Variants in SLC24A2 observed in about 807,000 individuals in gnomAD.
The protein encoded by SLC24A2 is solute carrier family 24 member 2.
A neutral mutation model predicts 62.0 loss-of-function variants in SLC24A2; 36 were observed. That is an observed-to-expected ratio of 0.58 (90% CI 0.44 to 0.77). The LOEUF (loss-of-function observed/expected upper bound fraction) is 0.77. Ranked by LOEUF, SLC24A2 falls within the 30% of genes least tolerant of loss-of-function variation. The pLI is 0.00. For synonymous variants in SLC24A2, 358 were observed against 294.0 expected, an observed-to-expected ratio of 1.22 and a Z score of -2.23; for missense variants, 846 against 817.9, an observed-to-expected ratio of 1.03 and a Z score of -0.42.
intron 2 of SLC24A2, among the ~76,000 whole-genome samples, chr9:19,635,065 G>A (rs980361384): frequency 2.0e-5 from 3 of 152,146 alleles, no homozygotes; most frequent in Non-Finnish European, 2.9e-5. Context: ...ATAGAACAAC[G>A]GAAATTGTGC....
chr9:20,222,676 A>G, the SLC24A2 span, among the ~76,000 whole-genome samples: 4 of 152,276 alleles, frequency 2.6e-5, no homozygotes, highest in Admixed American at 2.0e-4. Context: ...ATAGTTCAAT[A>G]GAAGAAAATC....
chr9:19,746,959 C>G (rs1821851426), intron 2 of SLC24A2, among the ~76,000 whole-genome samples: 2 of 151,992 alleles, frequency 1.3e-5, no homozygotes. Context: ...AGGAAAAAAG[C>G]CAACTAACAA....
chr9:20,229,350 T>C, the SLC24A2 span, among the ~76,000 whole-genome samples: 66 of 152,310 alleles, frequency 4.3e-4, no homozygotes, highest in African/African-American at 1.6e-3. Context: ...TATGAATATC[T>C]ACCTCATCAG....
chr9:19,953,372 G>C, the SLC24A2 span, among the ~76,000 whole-genome samples: 2 of 152,116 alleles, frequency 1.3e-5, no homozygotes, highest in East Asian at 3.9e-4. Context: ...AATGTGTTCA[G>C]CTAGATATCA....
At chr9:20,237,700 T>G in the SLC24A2 span, among the ~76,000 whole-genome samples, 1 of 152,210 alleles carries the variant, frequency 6.6e-6, no homozygotes, top group East Asian at 1.9e-4. Context: ...TTTTAATGAT[T>G]CTTAGTAAGA....
At chr9:19,885,972 C>A in the SLC24A2 span, among the ~76,000 whole-genome samples, 1 of 152,104 alleles carries the variant, frequency 6.6e-6, no homozygotes, top group Non-Finnish European at 1.5e-5. Flanking sequence ...TGTATTTGTA[C>A]CACATTCTCT....
chr9:20,264,118 T>G, the SLC24A2 span, among the ~76,000 whole-genome samples: 1 of 152,098 alleles, frequency 6.6e-6, no homozygotes, highest in East Asian at 1.9e-4. Context: ...AAGCATTGCA[T>G]GAGTCCAGAG....
chr9:20,057,040 T>A, the SLC24A2 span, among the ~76,000 whole-genome samples: 6,332 of 152,244 alleles, frequency 0.042, 425 homozygotes, highest in African/African-American at 0.14. Flanking sequence ...AGTACAGACA[T>A]AATTTTTTAA....
At chr9:20,267,813 G>C in the SLC24A2 span, among the ~76,000 whole-genome samples, 4 of 152,256 alleles carry the variant, frequency 2.6e-5, no homozygotes, top group East Asian at 7.7e-4. Flanking sequence ...TAAAGGGCCT[G>C]GTTCATGGAC....
the SLC24A2 span, among the ~76,000 whole-genome samples, chr9:19,873,393 TCC>T: frequency 1.3e-5 from 2 of 150,598 alleles, no homozygotes; most frequent in Non-Finnish European, 3.0e-5. Flanking sequence ...TTTCTCTCTC[TCC>T]TTCCTTCCTT....
chr9:20,021,713 A>T, the SLC24A2 span, among the ~76,000 whole-genome samples: 1 of 151,880 alleles, frequency 6.6e-6, no homozygotes, highest in East Asian at 1.9e-4. Flanking sequence ...CTGGCCCCCA[A>T]ACTTCAGCTC....
At chr9:20,202,778 A>T in the SLC24A2 span, among the ~76,000 whole-genome samples, 1 of 152,248 alleles carries the variant, frequency 6.6e-6, no homozygotes, top group Non-Finnish European at 1.5e-5. Flanking sequence ...AAATGTAATT[A>T]TAATAAAACC....
At chr9:19,568,743 T>C (rs962678977) in intron 7 of SLC24A2, among the ~76,000 whole-genome samples, 2 of 152,226 alleles carry the variant, frequency 1.3e-5, no homozygotes, top group Non-Finnish European at 2.9e-5. Context: ...TAACCCATTA[T>C]TATTTTTAGT....
chr9:19,958,729 T>C, the SLC24A2 span, among the ~76,000 whole-genome samples: 1 of 152,176 alleles, frequency 6.6e-6, no homozygotes, highest in African/African-American at 2.4e-5. Flanking sequence ...ATTGGTTTTA[T>C]GAATCATGGA....
the SLC24A2 span, among the ~76,000 whole-genome samples, chr9:20,111,797 T>C: frequency 6.6e-6 from 1 of 152,136 alleles, no homozygotes; most frequent in Non-Finnish European, 1.5e-5. Context: ...GTCCCCATTG[T>C]CCACTGGGGG....
At chr9:19,879,321 C>A in the SLC24A2 span, among the ~76,000 whole-genome samples, 1 of 152,044 alleles carries the variant, frequency 6.6e-6, no homozygotes, top group Non-Finnish European at 1.5e-5. Flanking sequence ...ATGCAGTCTG[C>A]AAAGAGCTAT....
At chr9:20,261,284 A>T in the SLC24A2 span, among the ~76,000 whole-genome samples, 3 of 152,146 alleles carry the variant, frequency 2.0e-5, no homozygotes, top group Admixed American at 6.5e-5. Flanking sequence ...TTCATAATTT[A>T]AAAAAAACTG....
chr9:19,889,061 G>C, the SLC24A2 span, among the ~76,000 whole-genome samples: 1 of 152,168 alleles, frequency 6.6e-6, no homozygotes, highest in Non-Finnish European at 1.5e-5. Context: ...GTGTGAGCTA[G>C]CACAGTAGAG....
At chr9:19,636,327 C>CTTTTCT (rs1564009807) in intron 2 of SLC24A2, among the ~76,000 whole-genome samples, 4 of 20,742 alleles carry the variant, frequency 1.9e-4, no homozygotes, top group Non-Finnish European at 3.0e-4. Flanking sequence ...TTCTTTCTTT[C>CTTTTCT]TTTCTTTCTT....
Sources: allele counts gnomAD v4.1 joint callset (sites outside exome capture counted in the v4.1 genomes callset), GRCh38; gene constraint gnomAD v4.1.1; transcripts MANE v1.5; gene names NCBI Gene and HGNC (gene_info 2026-07-23, HGNC 2026-07-21).